Variants in DGKI observed in about 807,000 individuals in gnomAD.
The protein encoded by DGKI is DAG kinase iota.
Under a neutral mutation model 147.5 loss-of-function variants are expected in DGKI, and 55 were observed. The observed-to-expected ratio is 0.37, with a 90% CI of 0.30 to 0.47. DGKI has a LOEUF of 0.47. Among genes scored for constraint, DGKI ranks in the 20% least tolerant of loss-of-function variants. DGKI has a pLI of 1.00. For synonymous variants in DGKI, 469 were observed against 477.1 expected (o/e 0.98, Z 0.22); for missense variants, 1,007 against 1,323.8 (o/e 0.76, Z 3.71).
At chr7:137,512,636 A>C (rs533508292) in intron 21 of DGKI, among the ~76,000 whole-genome samples, 2 of 152,360 alleles carry the variant, frequency 1.3e-5, no homozygotes, top group Non-Finnish European at 2.9e-5. Context: ...CAGAGACTTA[A>C]GGATCTACCT....
intron 20 of DGKI, among the ~76,000 whole-genome samples, chr7:137,551,331 C>G (rs949461354): frequency 2.0e-5 from 3 of 152,100 alleles, no homozygotes; most frequent in African/African-American, 7.2e-5. Context: ...ATGAGGGCAC[C>G]TGTGTTGCTG....
At chr7:137,712,986 G>A (rs1265967624) in intron 1 of DGKI, among the ~76,000 whole-genome samples, 1 of 152,086 alleles carries the variant, frequency 6.6e-6, no homozygotes, top group East Asian at 1.9e-4. Flanking sequence ...AAGTAACAAA[G>A]ATCTAGACAA....
chr7:137,467,019 A>C, intron 24 of DGKI, 77 bp from the exon 25 acceptor site: 1 of 1,441,734 alleles, frequency 6.9e-7, no homozygotes, highest in Non-Finnish European at 9.7e-7. Flanking sequence ...CTCTTCGACT[A>C]TGCTGGTCAA....
intron 1 of DGKI, among the ~76,000 whole-genome samples, chr7:137,727,627 T>G (rs1020727547): frequency 6.6e-6 from 1 of 152,148 alleles, no homozygotes; most frequent in African/African-American, 2.4e-5. Context: ...ATCAGAATGT[T>G]TACAAATTTG....
chr7:137,524,145 CAG>C (rs1411785125), intron 20 of DGKI, among the ~76,000 whole-genome samples: 1 of 146,160 alleles, frequency 6.8e-6, no homozygotes, highest in African/African-American at 2.8e-5. Flanking sequence ...GAACACTGGG[CAG>C]AGAGTACAAA....
rs568475909 is a variant in DGKI, at chr7:137,577,832, G to A, written c.1698+438C>T. 8.5e-5 allele frequency among the ~76,000 whole-genome samples: 13 copies of A among 152,206 alleles called. No individual in the cohort carries two copies. In the East Asian group the frequency reaches 1.9e-3, roughly 23 times the overall value. On this transcript the variant is annotated intron_variant, in intron 16 of 32. Transcript: ENST00000614521. ...AAGAAGGCACTCCCTTTAACCTCAC[G>A]TATGCGTCCATGAAAAACACCCCAT...
chr7:137,792,079 C>T (rs1796871061), intron 1 of DGKI, among the ~76,000 whole-genome samples: 1 of 152,124 alleles, frequency 6.6e-6, no homozygotes, highest in African/African-American at 2.4e-5. Flanking sequence ...AGGCATGAGC[C>T]ATAGGTCTAG....
intron 19 of DGKI, among the ~76,000 whole-genome samples, chr7:137,559,596 A>C (rs1351748091): frequency 2.0e-5 from 3 of 152,184 alleles, no homozygotes; most frequent in African/African-American, 4.8e-5. Context: ...TCTATGAAAA[A>C]GTCTTGTAAA....
intron 1 of DGKI, among the ~76,000 whole-genome samples, chr7:137,824,250 C>T (rs549460557): frequency 6.6e-6 from 1 of 152,184 alleles, no homozygotes; most frequent in Non-Finnish European, 1.5e-5. Flanking sequence ...GGTGCAGCGG[C>T]TCACGCCTAT....
intron 1 of DGKI, chr7:137,722,093 A>G (rs79225584): frequency 1.9e-6 from 3 of 1,598,300 alleles, no homozygotes; most frequent in Admixed American, 1.7e-5. Flanking sequence ...AAGGCTAAAA[A>G]GCCCAAGAAG....
At chr7:137,780,517 G>A (rs921543822) in intron 1 of DGKI, among the ~76,000 whole-genome samples, 1 of 152,152 alleles carries the variant, frequency 6.6e-6, no homozygotes, top group African/African-American at 2.4e-5. Context: ...GTGTCTACAA[G>A]GAAGGTGAAA....
At chr7:137,544,529 G>A (rs1326791452) in intron 20 of DGKI, among the ~76,000 whole-genome samples, 1 of 152,058 alleles carries the variant, frequency 6.6e-6, no homozygotes, top group African/African-American at 2.4e-5. Context: ...AAAGGTTTTT[G>A]AATAAATACA....
chr7:137,432,371 T>A (rs1013648886), intron 28 of DGKI, among the ~76,000 whole-genome samples: 1 of 152,150 alleles, frequency 6.6e-6, no homozygotes, highest in Non-Finnish European at 1.5e-5. Flanking sequence ...CAAAAGCCCA[T>A]GCAAATGAGA....
intron 27 of DGKI, among the ~76,000 whole-genome samples, chr7:137,453,410 A>G (rs1440707728): frequency 6.6e-6 from 1 of 152,194 alleles, no homozygotes; most frequent in Non-Finnish European, 1.5e-5. Context: ...TAGGTAAAAT[A>G]GGACCAGAAA....
intron 20 of DGKI, among the ~76,000 whole-genome samples, chr7:137,535,978 T>C (rs1041432404): frequency 6.6e-6 from 1 of 152,160 alleles, no homozygotes; most frequent in South Asian, 2.1e-4. Flanking sequence ...TTCTGAAATT[T>C]TATTATAACA....
At chr7:137,394,256 T>C (rs1811467713) in intron 32 of DGKI, among the ~76,000 whole-genome samples, 1 of 152,192 alleles carries the variant, frequency 6.6e-6, no homozygotes, top group South Asian at 2.1e-4. Context: ...ATTCGTAAAC[T>C]TTCTTAAAAC....
chr7:137,707,607 G>A (rs1794078481), intron 1 of DGKI, among the ~76,000 whole-genome samples: 1 of 152,112 alleles, frequency 6.6e-6, no homozygotes, highest in African/African-American at 2.4e-5. Context: ...AAAGTGCATA[G>A]CACCTCTCCA....
At chr7:137,570,983 C>G (rs967561855) in intron 19 of DGKI, among the ~76,000 whole-genome samples, 192 bp downstream of exon 19, 13 of 152,126 alleles carry the variant, frequency 8.5e-5, no homozygotes, top group Admixed American at 1.3e-4. Context: ...TCTTGAGGTT[C>G]AAACAAATGT....
intron 2 of DGKI, among the ~76,000 whole-genome samples, chr7:137,685,623 C>T (rs567204830): frequency 2.6e-5 from 4 of 152,294 alleles, no homozygotes; most frequent in African/African-American, 9.6e-5. Flanking sequence ...CCTTCTTAGG[C>T]ATTACTTCCT....
Sources: allele counts gnomAD v4.1 joint callset (sites outside exome capture counted in the v4.1 genomes callset), GRCh38; gene constraint gnomAD v4.1.1; transcripts MANE v1.5; gene names NCBI Gene and HGNC (gene_info 2026-07-23, HGNC 2026-07-21).